Variants in SLAIN2 observed in about 807,000 individuals in gnomAD.
SLAIN2 encodes SLAIN family member 2, also known as SLAIN motif-containing protein 2.
SLAIN2 carries 31 observed loss-of-function variants against 56.6 expected under a neutral mutation model. That is an observed-to-expected ratio of 0.55 (90% CI 0.41 to 0.74). SLAIN2 has a LOEUF of 0.74. SLAIN2 is among the 30% of genes least tolerant of loss of function. The pLI is 0.00. For missense variants in SLAIN2, 777 were observed against 754.2 expected, an observed-to-expected ratio of 1.03 and a Z score of -0.35; for synonymous variants, 317 against 284.9, an observed-to-expected ratio of 1.11 and a Z score of -1.13.
At chr4:48,379,243 A>G in intron 3 of SLAIN2, among the ~76,000 whole-genome samples, 1 of 152,164 alleles carries the variant, frequency 6.6e-6, no homozygotes, top group Non-Finnish European at 1.5e-5. Context: ...TATTCAAATT[A>G]TAGTTTTCTC....
At chr4:48,369,738 TC>T in intron 1 of SLAIN2, 110 bp from the exon 2 acceptor site, 2 of 911,552 alleles carry the variant, frequency 2.2e-6, no homozygotes, top group African/African-American at 3.3e-5. Flanking sequence ...TAAAATATAC[TC>T]CATGACTTTT....
chr4:48,412,686 C>T lies in SLAIN2; in HGVS notation c.1361-7439C>T, dbSNP rs189909939. ...AGAAAAGGTATTGAAGCCCTATTTT[C>T]GGGGCATTTTCTGCATCTTACATTT... On this transcript the variant is annotated intron_variant, in intron 6 of 7. Coordinates refer to ENST00000264313, the MANE Select transcript of SLAIN2 (RefSeq NM_020846.2). Among the ~76,000 whole-genome samples, 36 of 152,160 alleles carry T rather than the reference C, an allele frequency of 2.4e-4. No homozygotes were observed. The East Asian group carries it at 4.2e-3, about 18-fold the overall frequency.
intron 1 of SLAIN2, among the ~76,000 whole-genome samples, chr4:48,342,654 C>G (rs1714747494): frequency 7.0e-6 from 1 of 143,128 alleles, no homozygotes; most frequent in Admixed American, 7.0e-5. Flanking sequence ...CAGCACTCCC[C>G]TTTGGGTAGT....
chr4:48,399,186 G>GACCT, intron 6 of SLAIN2, among the ~76,000 whole-genome samples: 1 of 152,152 alleles, frequency 6.6e-6, no homozygotes, highest in Non-Finnish European at 1.5e-5. Flanking sequence ...TCCTTAAGCA[G>GACCT]TGGTTTGTGG....
intron 1 of SLAIN2, among the ~76,000 whole-genome samples, chr4:48,349,827 A>G (rs1455934019): frequency 6.6e-6 from 1 of 152,178 alleles, no homozygotes; most frequent in Admixed American, 6.5e-5. Flanking sequence ...ATATGGTTTC[A>G]TTTATTGAGT....
chr4:48,346,227 C>G (rs1324068906), intron 1 of SLAIN2, among the ~76,000 whole-genome samples: 1 of 152,086 alleles, frequency 6.6e-6, no homozygotes, highest in Non-Finnish European at 1.5e-5. Flanking sequence ...TCTGGACTTT[C>G]TAGACACTGC....
chr4:48,354,392 A>C (rs1715096006), intron 1 of SLAIN2, among the ~76,000 whole-genome samples: 1 of 152,200 alleles, frequency 6.6e-6, no homozygotes. Context: ...GGTTAAACTT[A>C]GCCTCTTAGA....
chr4:48,385,068 A>G (rs1004026795), intron 6 of SLAIN2, among the ~76,000 whole-genome samples: 2 of 152,230 alleles, frequency 1.3e-5, no homozygotes, highest in East Asian at 1.9e-4. Flanking sequence ...AAGGAAACAT[A>G]TGCAGCATAG....
intron 2 of SLAIN2, among the ~76,000 whole-genome samples, chr4:48,375,059 A>G (rs1274060098): frequency 6.6e-6 from 1 of 152,240 alleles, no homozygotes; most frequent in African/African-American, 2.4e-5. Flanking sequence ...AATGTTTAGC[A>G]TATAGATAAT....
In SLAIN2 at chr4:48,382,855, C is replaced by T. The variant is rs760384781; in HGVS notation, c.1150C>T (p.Arg384Cys). The change falls in exon 5 of 8, where the codon CGC (arginine) becomes TGC (cysteine). Residue 384 changes from arginine to cysteine, a missense_variant. Coordinates refer to ENST00000264313, the MANE Select transcript of SLAIN2 (RefSeq NM_020846.2). ...SRVSPQPMISRLQQPRLSLQG... is the reference protein window; with the variant it reads ...SRVSPQPMISCLQQPRLSLQG... Reference sequence around the variant, plus strand: ...AGTGTCCCCACAGCCTATGATTAGCCGCTTACAGCAACCTCGCCTTTCACT... The same window carrying T: ...AGTGTCCCCACAGCCTATGATTAGCTGCTTACAGCAACCTCGCCTTTCACT... 31 of 1,613,518 alleles carry T rather than the reference C, an allele frequency of 1.9e-5. No homozygotes were observed. The highest frequency in any genetic ancestry group is 2.4e-5 in the Non-Finnish European group (28 of 1,179,800).
At chr4:48,421,059 A>G (rs909720580) in intron 7 of SLAIN2, among the ~76,000 whole-genome samples, 1 of 152,072 alleles carries the variant, frequency 6.6e-6, no homozygotes, top group African/African-American at 2.4e-5. Context: ...TTTGTCTCCC[A>G]GGCTGGAGTG....
intron 1 of SLAIN2, among the ~76,000 whole-genome samples, chr4:48,352,142 GT>G (rs1450680719): frequency 1.3e-5 from 2 of 152,158 alleles, no homozygotes; most frequent in Non-Finnish European, 2.9e-5. Flanking sequence ...TTTTGGAGAG[GT>G]TAGTGTGGCA....
Position 48,379,690 on chromosome 4 carries a change from G to C in SLAIN2, c.704G>C (p.Gly235Ala). 1 of 1,411,158 alleles carries C rather than the reference G, an allele frequency of 7.1e-7. No homozygotes were observed. The highest frequency in any genetic ancestry group is 9.3e-7 in the Non-Finnish European group (1 of 1,076,982). The allele number at this position is 1,411,158 out of a possible 1,614,324, so 87.4% of individuals were successfully genotyped here. A position where few individuals can be genotyped will look rare whatever the true frequency, so the allele number is the denominator to read the frequency against. ...ATTTTTTTCTTTTTTTTTTTTTAAG[G>C]TAACTTGAAAAGCTCAGACAGAAAT... ...VKQLILPGNS[G>A]NLKSSDRNPP... The change falls in exon 4 of 8, where the codon GGT becomes GCT. Residue 235 changes from glycine to alanine, a missense_variant and splice_region_variant. By Grantham distance (60) the Gly-to-Ala change is moderately conservative (BLOSUM62 0). Coordinates refer to ENST00000264313, the MANE Select transcript of SLAIN2 (RefSeq NM_020846.2).
At chr4:48,394,015 A>G (rs1577729164) in intron 6 of SLAIN2, among the ~76,000 whole-genome samples, 1 of 152,286 alleles carries the variant, frequency 6.6e-6, no homozygotes, top group East Asian at 1.9e-4. Context: ...TAGATATCCA[A>G]AGTCTGAGGT....
intron 1 of SLAIN2, among the ~76,000 whole-genome samples, chr4:48,349,217 G>A (rs1714946450): frequency 6.6e-6 from 1 of 152,180 alleles, no homozygotes; most frequent in Admixed American, 6.5e-5. Context: ...GGTCTGTGTA[G>A]TCTAGAATGT....
At chr4:48,397,161 A>G (rs945835385) in intron 6 of SLAIN2, among the ~76,000 whole-genome samples, 2 of 152,180 alleles carry the variant, frequency 1.3e-5, no homozygotes. Context: ...AGCCAGCGGG[A>G]AAAAATGAAG....
intron 3 of SLAIN2, among the ~76,000 whole-genome samples, chr4:48,378,818 G>A (rs536165723): frequency 6.6e-6 from 1 of 152,200 alleles, no homozygotes; most frequent in East Asian, 1.9e-4. Context: ...TTTCGTTCAG[G>A]CATTATTTGA....
chr4:48,393,955 C>T (rs1201466725), intron 6 of SLAIN2, among the ~76,000 whole-genome samples: 1 of 152,178 alleles, frequency 6.6e-6, no homozygotes, highest in Non-Finnish European at 1.5e-5. Flanking sequence ...CCTCAACCCA[C>T]ACCAGCATTA....
intron 1 of SLAIN2, among the ~76,000 whole-genome samples, chr4:48,349,587 T>G (rs747260775): frequency 6.6e-6 from 1 of 152,254 alleles, no homozygotes; most frequent in Non-Finnish European, 1.5e-5. Flanking sequence ...CACTTTGTTT[T>G]AAACTTCTTT....
Sources: allele counts gnomAD v4.1 joint callset (sites outside exome capture counted in the v4.1 genomes callset), GRCh38; gene constraint gnomAD v4.1.1; transcripts MANE v1.5; gene names NCBI Gene and HGNC (gene_info 2026-07-23, HGNC 2026-07-21).